Variants in VPS13B observed in about 807,000 individuals in gnomAD.
VPS13B encodes intermembrane lipid transfer protein VPS13B.
In VPS13B, 285 loss-of-function variants were observed where a neutral mutation model predicts 426.4. The observed-to-expected ratio is 0.67, with a 90% CI of 0.61 to 0.74. The LOEUF (loss-of-function observed/expected upper bound fraction) is 0.74. Among genes scored for constraint, VPS13B ranks in the 30% least tolerant of loss-of-function variants. The pLI is 0.00. For synonymous variants in VPS13B, 1,676 were observed against 1,676.4 expected (o/e 1.00, Z 0.01); for missense variants, 4,537 against 4,782.6 (o/e 0.95, Z 1.51).
chr8:99,725,459 T>C (rs995362126), intron 39 of VPS13B, among the ~76,000 whole-genome samples: 1 of 152,190 alleles, frequency 6.6e-6, no homozygotes, highest in African/African-American at 2.4e-5. Flanking sequence ...GTGGACTCTT[T>C]ATGAGAATCT....
chr8:99,020,533 G>A (rs955640175), intron 2 of VPS13B, among the ~76,000 whole-genome samples: 3 of 152,130 alleles, frequency 2.0e-5, no homozygotes, highest in African/African-American at 7.2e-5. Context: ...CTGGATTTTT[G>A]CTGTCATATC....
rs1820546613 is a variant in VPS13B, at chr8:99,490,471, G to T, written c.3870+8669G>T. Among the ~76,000 whole-genome samples, 2 of 152,168 alleles carry T rather than the reference G, an allele frequency of 1.3e-5. 1 individual carries two copies. The highest frequency in any genetic ancestry group is 4.1e-4 in the South Asian group (2 of 4,834). ...CTATTGATTGGAATAGTTTCAGAAG[G>T]AATGGAACCAGGTCCTCTTTGTACC... is the stretch of plus-strand genomic sequence containing the variant. On this transcript the variant is annotated intron_variant, in intron 25 of 61. Transcript: ENST00000357162.
chr8:99,430,672 A>C (rs1156266710), intron 21 of VPS13B, among the ~76,000 whole-genome samples: 2 of 151,664 alleles, frequency 1.3e-5, no homozygotes, highest in Non-Finnish European at 2.9e-5. Context: ...TTATGTAATC[A>C]CATACCTCTT....
intron 19 of VPS13B, 112 bp from the exon 20 acceptor site, chr8:99,384,096 C>T: frequency 1.1e-6 from 1 of 914,864 alleles, no homozygotes. Flanking sequence ...CTTTCCAACG[C>T]TTGTTACTGT....
intron 33 of VPS13B, among the ~76,000 whole-genome samples, chr8:99,633,002 A>G (rs1828910153): frequency 6.6e-6 from 1 of 152,010 alleles, no homozygotes; most frequent in Admixed American, 6.6e-5. Flanking sequence ...ATCAAGTCAA[A>G]TATTTCTATC....
At chr8:99,641,462 A>T (rs962652394) in intron 33 of VPS13B, among the ~76,000 whole-genome samples, 1 of 152,218 alleles carries the variant, frequency 6.6e-6, no homozygotes, top group Non-Finnish European at 1.5e-5. Context: ...ATATTGCTTG[A>T]GAAATCACTA....
At chr8:99,090,650 C>G (rs959446284) in intron 3 of VPS13B, among the ~76,000 whole-genome samples, 2 of 152,074 alleles carry the variant, frequency 1.3e-5, no homozygotes, top group Admixed American at 6.6e-5. Flanking sequence ...ATAAAGGTAT[C>G]AATTTTACTA....
chr8:99,354,734 T>C (rs1430790876), intron 19 of VPS13B, among the ~76,000 whole-genome samples: 1 of 152,150 alleles, frequency 6.6e-6, no homozygotes, highest in Non-Finnish European at 1.5e-5. Flanking sequence ...TATTTTGTAT[T>C]TAAAAAATTT....
intron 20 of VPS13B, among the ~76,000 whole-genome samples, chr8:99,387,735 CT>C (rs1287146720): frequency 1.3e-5 from 2 of 151,894 alleles, no homozygotes; most frequent in African/African-American, 2.4e-5. Context: ...ACCACTCATC[CT>C]TTTAAAATCT....
chr8:99,245,260 T>C (rs907924370), intron 17 of VPS13B, among the ~76,000 whole-genome samples: 1 of 152,218 alleles, frequency 6.6e-6, no homozygotes, highest in African/African-American at 2.4e-5. Flanking sequence ...TAACTTACGT[T>C]GTTTTGTGAT....
chr8:99,249,414 C>T (rs1045734747), intron 17 of VPS13B, among the ~76,000 whole-genome samples: 21 of 142,260 alleles, frequency 1.5e-4, no homozygotes, highest in South Asian at 4.6e-4. Flanking sequence ...CTGGGCTATA[C>T]GGTAGTTGAA....
intron 23 of VPS13B, among the ~76,000 whole-genome samples, chr8:99,444,204 T>A (rs2133444325): frequency 6.6e-6 from 1 of 152,194 alleles, no homozygotes; most frequent in Non-Finnish European, 1.5e-5. Flanking sequence ...GTTCAAACAA[T>A]TCTCCTGCCT....
chr8:99,160,518 G>A (rs1811589514), intron 15 of VPS13B, among the ~76,000 whole-genome samples: 1 of 151,758 alleles, frequency 6.6e-6, no homozygotes, highest in East Asian at 1.9e-4. Context: ...AATTAGCCAG[G>A]CATTGTGGTT....
At chr8:99,671,891 C>T (rs1001069111) in intron 35 of VPS13B, among the ~76,000 whole-genome samples, 1 of 152,116 alleles carries the variant, frequency 6.6e-6, no homozygotes, top group African/African-American at 2.4e-5. Flanking sequence ...CATCCTTTCC[C>T]CATTTTGTGT....
intron 28 of VPS13B, among the ~76,000 whole-genome samples, chr8:99,508,437 GT>G (rs1360611925): frequency 6.6e-6 from 1 of 152,076 alleles, no homozygotes; most frequent in African/African-American, 2.4e-5. Flanking sequence ...ATCTGGATAT[GT>G]TCTTAAGCTA....
chr8:99,178,724 C>T (rs1363935605), intron 16 of VPS13B, among the ~76,000 whole-genome samples: 2 of 151,936 alleles, frequency 1.3e-5, no homozygotes, highest in Non-Finnish European at 2.9e-5. Flanking sequence ...TGGGTTCAAG[C>T]GATTCTCCTG....
chr8:99,768,155 G>A (rs182362611), intron 40 of VPS13B, among the ~76,000 whole-genome samples: 23 of 152,288 alleles, frequency 1.5e-4, no homozygotes, highest in Admixed American at 9.1e-4. Context: ...ACTATCATGT[G>A]TACTGTGAGG....
At chr8:99,814,401 A>G (rs1246504927) in intron 44 of VPS13B, among the ~76,000 whole-genome samples, 1 of 152,154 alleles carries the variant, frequency 6.6e-6, no homozygotes, top group East Asian at 1.9e-4. Context: ...TGGCTAAGCA[A>G]CCCAGTGTTG....
chr8:99,337,329 T>A (rs1298684345), intron 19 of VPS13B, among the ~76,000 whole-genome samples: 1 of 122,818 alleles, frequency 8.1e-6, no homozygotes, highest in Non-Finnish European at 1.6e-5. Flanking sequence ...CACATGGACA[T>A]AGGAAGGGGA....
Sources: allele counts gnomAD v4.1 joint callset (sites outside exome capture counted in the v4.1 genomes callset), GRCh38; gene constraint gnomAD v4.1.1; transcripts MANE v1.5; gene names NCBI Gene and HGNC (gene_info 2026-07-23, HGNC 2026-07-21).